ADAMTSL1: variants seen among roughly 807,000 people sequenced by gnomAD.
The protein encoded by ADAMTSL1 is ADAMTS-like protein 1.
A neutral mutation model predicts 201.8 loss-of-function variants in ADAMTSL1; 126 were observed. That is an observed-to-expected ratio of 0.62 (90% CI 0.54 to 0.72). ADAMTSL1 has a LOEUF of 0.72. Among genes scored for constraint, ADAMTSL1 ranks in the 30% least tolerant of loss-of-function variants. The pLI is 0.00. For missense variants in ADAMTSL1, 2,679 were observed against 2,277.8 expected (o/e 1.18, Z -3.59); for synonymous variants, 1,121 against 903.4 (o/e 1.24, Z -4.32).
intron 1 of ADAMTSL1, among the ~76,000 whole-genome samples, chr9:18,487,882 G>A (rs936361800): frequency 1.1e-4 from 17 of 152,208 alleles, no homozygotes; most frequent in South Asian, 6.2e-4. Context: ...AGCTTGTACC[G>A]TATTTCATCG....
intron 1 of ADAMTSL1, 68 bp downstream of exon 1, chr9:18,474,363 G>T: frequency 1.4e-6 from 2 of 1,477,902 alleles, no homozygotes; most frequent in Non-Finnish European, 1.9e-6. Flanking sequence ...GGGTGTGTGT[G>T]TGTATGTGTG....
intron 4 of ADAMTSL1, among the ~76,000 whole-genome samples, chr9:18,581,896 G>A (rs906426763): frequency 6.6e-6 from 1 of 152,154 alleles, no homozygotes; most frequent in Non-Finnish European, 1.5e-5. Flanking sequence ...GTCAGCCCAG[G>A]CTTCTGCATC....
intron 2 of ADAMTSL1, among the ~76,000 whole-genome samples, chr9:18,314,528 G>A (rs1324223688): frequency 6.6e-6 from 1 of 151,862 alleles, no homozygotes; most frequent in Non-Finnish European, 1.5e-5. Flanking sequence ...CTCCAGTCCA[G>A]AGTTGTTCCT....
rs1832258756 is a variant in ADAMTSL1, at chr9:18,706,802, G to A, written c.1630G>A (p.Val544Met). 1.2e-6 allele frequency: 2 copies of A among 1,609,450 alleles called. No individual in the cohort carries two copies. Among genetic ancestry groups the A allele is most frequent in the African/African-American group, 2.7e-5 (2 of 74,966 alleles). Residue 544 changes from valine to methionine, a missense_variant, in exon 14 of 29, where the codon GTG becomes ATG. Val to Met is a conservative substitution (Grantham distance 21). Coordinates refer to ENST00000380548, the MANE Select transcript of ADAMTSL1 (RefSeq NM_001040272.6). ...AGTCACCTGTGGTGTGGGGACCCAG[G>A]TGCGAATAGTCAGGTGCCAGGTGCT... ...CTVTCGVGTQ[V>M]RIVRCQVLLS...
chr9:18,544,457 C>T (rs1820354124), intron 3 of ADAMTSL1, among the ~76,000 whole-genome samples: 1 of 151,712 alleles, frequency 6.6e-6, no homozygotes, highest in Admixed American at 6.6e-5. Flanking sequence ...TGTTTGATGG[C>T]ATCTTTCTAG....
chr9:18,505,187 T>C (rs1823059453), intron 2 of ADAMTSL1, among the ~76,000 whole-genome samples: 1 of 152,200 alleles, frequency 6.6e-6, no homozygotes, highest in South Asian at 2.1e-4. Context: ...TGATAAGCAA[T>C]AGAGAAACTT....
chr9:18,039,416 T>C (rs535873204), intron 1 of ADAMTSL1, among the ~76,000 whole-genome samples: 1 of 152,264 alleles, frequency 6.6e-6, no homozygotes, highest in East Asian at 1.9e-4. Flanking sequence ...ATAATTCCCC[T>C]CTCAAATAAT....
At chr9:18,706,417 T>C (rs951751287) in intron 13 of ADAMTSL1, among the ~76,000 whole-genome samples, 3 of 152,158 alleles carry the variant, frequency 2.0e-5, no homozygotes, top group Admixed American at 1.3e-4. Context: ...TCCTATCTCA[T>C]TGGAATTTAG....
chr9:17,998,537 G>C (rs1028767326), intron 1 of ADAMTSL1, among the ~76,000 whole-genome samples: 1 of 151,988 alleles, frequency 6.6e-6, no homozygotes, highest in African/African-American at 2.4e-5. Flanking sequence ...AGAAGAGAAG[G>C]AAGTCTATAG....
chr9:17,970,705 G>A (rs1462734194), intron 1 of ADAMTSL1, among the ~76,000 whole-genome samples: 1 of 151,970 alleles, frequency 6.6e-6, no homozygotes, highest in Non-Finnish European at 1.5e-5. Context: ...CCCTGGTTCT[G>A]CTCCCCCTTG....
At chr9:18,096,340 A>G (rs1194726409) in intron 1 of ADAMTSL1, among the ~76,000 whole-genome samples, 1 of 152,260 alleles carries the variant, frequency 6.6e-6, no homozygotes, top group African/African-American at 2.4e-5. Flanking sequence ...CAATAAACGT[A>G]TATTTAATTC....
intron 16 of ADAMTSL1, among the ~76,000 whole-genome samples, chr9:18,761,707 C>A (rs1820081189): frequency 6.6e-6 from 1 of 152,192 alleles, no homozygotes; most frequent in Admixed American, 6.5e-5. Context: ...AGCACATTCA[C>A]AAAGTCATCA....
At chr9:18,639,497 T>C in intron 7 of ADAMTSL1, 86 bp downstream of exon 7, 1 of 1,504,622 alleles carries the variant, frequency 6.6e-7, no homozygotes, top group Non-Finnish European at 9.0e-7. Flanking sequence ...GATTTTTGGT[T>C]CTGACATATG....
At chr9:18,721,418 T>C in intron 14 of ADAMTSL1, 118 bp from the exon 15 acceptor site, 1 of 1,400,142 alleles carries the variant, frequency 7.1e-7, no homozygotes, top group East Asian at 2.4e-5. Context: ...ATCTCTGACA[T>C]ACAGCGAGAG....
At chr9:18,274,105 A>T (rs1193882772) in intron 2 of ADAMTSL1, among the ~76,000 whole-genome samples, 2 of 152,368 alleles carry the variant, frequency 1.3e-5, no homozygotes, top group South Asian at 2.1e-4. Flanking sequence ...AGGAATTTAG[A>T]TATCTCTCAC....
chr9:18,590,565 T>C (rs573478980), intron 4 of ADAMTSL1, among the ~76,000 whole-genome samples: 85 of 152,158 alleles, frequency 5.6e-4, no homozygotes, highest in African/African-American at 1.9e-3. Context: ...ATTTAGGGTT[T>C]AGTTTGTTCT....
chr9:18,826,533 T>C, intron 22 of ADAMTSL1, 70 bp downstream of exon 22: 1 of 1,521,624 alleles, frequency 6.6e-7, no homozygotes, highest in Non-Finnish European at 8.9e-7. Context: ...ACCCTCTACC[T>C]CCTTTGTGCC....
intron 1 of ADAMTSL1, among the ~76,000 whole-genome samples, chr9:17,977,605 ATGAT>A (rs1818508654): frequency 6.6e-6 from 1 of 152,050 alleles, no homozygotes; most frequent in African/African-American, 2.4e-5. Context: ...GTAGTCCCTT[ATGAT>A]TGATTCTTTG....
intron 1 of ADAMTSL1, among the ~76,000 whole-genome samples, chr9:18,043,501 A>G (rs1821519358): frequency 6.6e-6 from 1 of 152,110 alleles, no homozygotes; most frequent in Non-Finnish European, 1.5e-5. Context: ...AAGTTATTGC[A>G]GTTCATTGAA....
Sources: gnomAD v4.1 joint callset for allele counts (sites outside exome capture counted in the v4.1 genomes callset) on GRCh38, gnomAD v4.1.1 for gene constraint, MANE v1.5 for transcripts, NCBI Gene and HGNC (gene_info 2026-07-23, HGNC 2026-07-21) for gene names.